Variants in MUC17 observed in about 807,000 individuals in gnomAD.
MUC17 encodes mucin 17, cell surface associated.
MUC17 carries 190 observed loss-of-function variants against 170.3 expected under a neutral mutation model. The observed-to-expected ratio is 1.12, with a 90% confidence interval of 0.99 to 1.26. The LOEUF is 1.26. Among genes scored for constraint, MUC17 ranks in the 50% most tolerant of loss-of-function variants. The pLI is 0.00. For synonymous variants in MUC17, 2,325 were observed against 2,002.5 expected (o/e 1.16, Z -4.30); for missense variants, 6,415 against 5,530.0 (o/e 1.16, Z -5.08).
At chr7:101,052,010 T>C in intron 9 of MUC17, 48 bp downstream of exon 9, 1 of 1,576,282 alleles carries the variant, frequency 6.3e-7, no homozygotes, top group South Asian at 1.2e-5. Flanking sequence ...GTCCTGGTCC[T>C]CCCCTCCCCT....
Position 101,020,222 on chromosome 7 carries a change from G to C in MUC17, c.82+5G>C, listed in dbSNP as rs762287090. 8.7e-6 allele frequency: 14 copies of C among 1,606,960 alleles called. No homozygotes were observed. Among genetic ancestry groups the C allele is most frequent in the Non-Finnish European group, 1.2e-5 (14 of 1,176,944 alleles). On this transcript the variant is annotated splice_donor_5th_base_variant and intron_variant, in intron 1 of 12. Coordinates refer to ENST00000306151, the MANE Select transcript of MUC17 (RefSeq NM_001040105.2). ...CACAAGCTGCTGCAGAACAGGGTGA[G>C]TGACCCCCACGCCCCGCTGCCCAAG...
In MUC17 at chr7:101,034,750, CT is replaced by C; in HGVS notation, c.3335del (p.Leu1112ArgfsTer51). 6.2e-7 allele frequency: 1 copy of C among 1,606,896 alleles called. No homozygotes were observed. The highest frequency in any genetic ancestry group is 8.5e-7 in the Non-Finnish European group (1 of 1,175,960). On this transcript the variant is annotated frameshift_variant, in exon 3 of 13. Coordinates refer to ENST00000306151, the MANE Select transcript of MUC17 (RefSeq NM_001040105.2). LOFTEE classifies it high-confidence loss of function. Reference sequence around the variant, plus strand: ...AACAAGTGTGCCTGTCAGCACCAGGCTGGTGGTCAGTTCTGAGGCTAGCACC... The same window carrying C: ...AACAAGTGTGCCTGTCAGCACCAGGCGGTGGTCAGTTCTGAGGCTAGCACC... ...PLTSVPVSTR[L>X]VVSSEASTLS...
intron 1 of MUC17, among the ~76,000 whole-genome samples, chr7:101,025,542 A>T (rs928469104): frequency 6.6e-6 from 1 of 152,168 alleles, no homozygotes; most frequent in Non-Finnish European, 1.5e-5. Context: ...CAGTAATCCC[A>T]GCACTTTGGG....
rs764570592 is a variant in MUC17, at chr7:101,043,056, T to G, written c.11640T>G (p.Leu3880=). ...SERSTPLTTL[L]VSTTLPTSFP... ...GAAGCACTCCATTAACAACTCTCCT[T>G]GTCAGCACCACACTTCCAACTAGCT... is the stretch of plus-strand genomic sequence containing the variant. The change falls in exon 3 of 13, where the codon CTT becomes CTG. Residue 3880 remains leucine (L), a synonymous_variant. Coordinates refer to ENST00000306151, the MANE Select transcript of MUC17 (RefSeq NM_001040105.2). 3.1e-6 allele frequency: 5 copies of G among 1,614,218 alleles called. No homozygotes were observed. The highest frequency in any genetic ancestry group is 3.4e-6 in the Non-Finnish European group (4 of 1,180,042).
intron 1 of MUC17, among the ~76,000 whole-genome samples, chr7:101,030,024 T>C (rs1308108761): frequency 6.6e-6 from 1 of 152,220 alleles, no homozygotes; most frequent in Non-Finnish European, 1.5e-5. Context: ...AGAAATTCCA[T>C]AAATCTAACA....
At chr7:101,048,470 C>A (rs1380902118) in intron 4 of MUC17, among the ~76,000 whole-genome samples, 1 of 151,014 alleles carries the variant, frequency 6.6e-6, no homozygotes, top group Non-Finnish European at 1.5e-5. Flanking sequence ...GTGGTGCATA[C>A]TTGTAGTCTT....
At chr7:101,044,019 T>C (rs1794790467) in intron 3 of MUC17, among the ~76,000 whole-genome samples, 200 bp downstream of exon 3, 2 of 152,134 alleles carry the variant, frequency 1.3e-5, no homozygotes, top group Admixed American at 6.5e-5. Flanking sequence ...GGCCCCGGTG[T>C]GTGATGTTCC....
intron 6 of MUC17, 149 bp from the exon 7 acceptor site, chr7:101,050,335 C>T (rs563996680): frequency 6.9e-6 from 8 of 1,164,412 alleles, no homozygotes; most frequent in Admixed American, 2.7e-5. Context: ...CTGTCCTGCC[C>T]CAAATGCCTA....
chr7:101,033,777 T>G lies in MUC17; in HGVS notation c.2361T>G (p.Ser787=). 1 of 1,614,092 alleles carries G rather than the reference T, an allele frequency of 6.2e-7. No homozygotes were observed. Among genetic ancestry groups the G allele is most frequent in the Non-Finnish European group, 8.5e-7 (1 of 1,179,984 alleles). The change falls in exon 3 of 13, where the codon TCT becomes TCG. Residue 787 remains serine (S), a synonymous_variant. Coordinates refer to ENST00000306151, the MANE Select transcript of MUC17 (RefSeq NM_001040105.2). ...HITTSTEASC[S]PTTTEGTSMP... ...CCACTTCTACTGAAGCCAGTTGCTCTCCTACAACCACTGAAGGTACCAGCA... is the reference window on the plus strand; with the variant it reads ...CCACTTCTACTGAAGCCAGTTGCTCGCCTACAACCACTGAAGGTACCAGCA...
In MUC17 at chr7:101,042,845, G is replaced by A. The variant is rs768226134; in HGVS notation, c.11429G>A (p.Ser3810Asn). Residue 3810 changes from serine (S) to asparagine (N), a missense_variant, in exon 3 of 13, where the codon AGT becomes AAT. Coordinates refer to ENST00000306151, the MANE Select transcript of MUC17 (RefSeq NM_001040105.2). Reference sequence around the variant, plus strand: ...ACCACCATGCCTATGTCAACTACGAGTGAAAGAAGCACTTTATTGACAACT... The same window carrying A: ...ACCACCATGCCTATGTCAACTACGAATGAAAGAAGCACTTTATTGACAACT... ...GTTTMPMSTT[S>N]ERSTLLTTVL... 2.9e-5 allele frequency: 46 copies of A among 1,613,974 alleles called. No homozygotes were observed. The highest frequency in any genetic ancestry group is 3.7e-5 in the Non-Finnish European group (44 of 1,180,018).
intron 1 of MUC17, among the ~76,000 whole-genome samples, chr7:101,030,216 A>G (rs1009675613): frequency 5.3e-5 from 8 of 149,678 alleles, no homozygotes; most frequent in Non-Finnish European, 1.5e-5. Flanking sequence ...TTCAAATAGC[A>G]ATTACAATGT....
rs985943064 is a variant in MUC17, at chr7:101,033,919, A to C, written c.2503A>C (p.Ser835Arg). Residue 835 changes from serine to arginine, a missense_variant, in exon 3 of 13, where the codon AGT (serine) becomes CGT (arginine). Physicochemically the swap from Ser to Arg is moderately radical, Grantham distance 110. Coordinates refer to ENST00000306151, the MANE Select transcript of MUC17 (RefSeq NM_001040105.2). ...TTCAACAACTCCTGTTGACTCCAAC[A>C]GTCCTGTGACCACTTCTACTGAAGT... ...TLSTTPVDSN[S>R]PVTTSTEVSS... 129 of 1,613,628 alleles carry C rather than the reference A, an allele frequency of 8.0e-5. No individual in the cohort carries two copies. The highest frequency in any genetic ancestry group is 1.1e-4 in the Non-Finnish European group (127 of 1,179,812).
chr7:101,035,955 C>T lies in MUC17; in HGVS notation c.4539C>T (p.Ser1513=). 6.3e-7 allele frequency: 1 copy of T among 1,581,712 alleles called. No homozygotes were observed. The highest frequency in any genetic ancestry group is 8.5e-7 in the Non-Finnish European group (1 of 1,170,982). ...CAATCTCAACGCCTAGTGAAGGAAG[C>T]ACTGCATTAACAAGTATACCTGTCA... ...SIAISTPSEG[S]TALTSIPVST... is the part of the protein sequence containing the mutation. The change falls in exon 3 of 13, where the codon AGC becomes AGT. Residue 1513 remains serine, a synonymous_variant. Transcript: ENST00000306151.
Position 101,042,081 on chromosome 7 carries a change from T to C in MUC17, c.10665T>C (p.Ser3555=). The C allele has an allele frequency of 6.2e-7, 1 of 1,614,068 alleles. No homozygotes were observed. Among genetic ancestry groups the C allele is most frequent in the Non-Finnish European group, 8.5e-7 (1 of 1,180,014 alleles). ...NTFVTSSSQA[S]SSPATLQVTT... The stretch of plus-strand genomic sequence containing the variant: ...TTGTTACCAGTTCTAGTCAAGCCAG[T>C]TCATCTCCAGCAACTCTTCAGGTCA... Residue 3555 remains serine, a synonymous_variant, in exon 3 of 13, where the codon AGT becomes AGC. Coordinates refer to ENST00000306151, the MANE Select transcript of MUC17 (RefSeq NM_001040105.2).
chr7:101,037,622 T>C lies in MUC17; in HGVS notation c.6206T>C (p.Val2069Ala). 6.2e-7 allele frequency: 1 copy of C among 1,613,788 alleles called. No individual in the cohort carries two copies. The highest frequency in any genetic ancestry group is 1.1e-5 in the South Asian group (1 of 91,052). Residue 2069 changes from valine to alanine, a missense_variant, in exon 3 of 13, where the codon GTT becomes GCT. Transcript: ENST00000306151. ...SEGNTLSTTPVDSKTQVTNST... is the reference protein window; with the variant it reads ...SEGNTLSTTPADSKTQVTNST... Reference sequence around the variant, plus strand: ...GGTAACACCCTTTCAACAACTCCTGTTGACTCCAAAACTCAGGTGACCAAT... The same window carrying C: ...GGTAACACCCTTTCAACAACTCCTGCTGACTCCAAAACTCAGGTGACCAAT...
intron 11 of MUC17, among the ~76,000 whole-genome samples, chr7:101,055,691 T>C (rs920625080): frequency 2.6e-5 from 4 of 152,090 alleles, no homozygotes; most frequent in South Asian, 2.1e-4. Context: ...ATTCAACAAA[T>C]AGAGGGTACA....
chr7:101,033,115 G>A lies in MUC17; in HGVS notation c.1699G>A (p.Glu567Lys), dbSNP rs747421535. ...GTSIPTSTPS[E>K]GSTPLTNMPV... ...CAGCATACCAACCTCAACTCCTAGT[G>A]AAGGAAGCACTCCATTAACAAACAT... The change falls in exon 3 of 13, where the codon GAA (glutamate) becomes AAA (lysine). Residue 567 changes from glutamate (E) to lysine (K), a missense_variant. Transcript: ENST00000306151. The A allele has an allele frequency of 6.2e-7, 1 of 1,612,020 alleles. No homozygotes were observed. Among genetic ancestry groups the A allele is most frequent in the East Asian group, 2.2e-5 (1 of 44,800 alleles).
At chr7:101,050,379 A>T in intron 6 of MUC17, 105 bp from the exon 7 acceptor site, 1 of 1,499,588 alleles carries the variant, frequency 6.7e-7, no homozygotes, top group South Asian at 1.3e-5. Context: ...TCCTGCCCCC[A>T]GCTCTGCCTT....
chr7:101,037,383 T>A lies in MUC17; in HGVS notation c.5967T>A (p.Ser1989Arg). The A allele has an allele frequency of 6.2e-7, 1 of 1,613,696 alleles. No homozygotes were observed. Residue 1989 changes from serine to arginine, a missense_variant, in exon 3 of 13, where the codon AGT becomes AGA. Coordinates refer to ENST00000306151, the MANE Select transcript of MUC17 (RefSeq NM_001040105.2). The part of the protein sequence containing the change: ...AYSEGSTPLT[S>R]MPLSTTLVVS... ...GTGAAGGAAGCACTCCACTAACAAG[T>A]ATGCCTCTCAGCACCACGCTGGTGG...
Sources: allele counts gnomAD v4.1 joint callset (sites outside exome capture counted in the v4.1 genomes callset), GRCh38; gene constraint gnomAD v4.1.1; transcripts MANE v1.5; gene names NCBI Gene and HGNC (gene_info 2026-07-23, HGNC 2026-07-21).